CELF1: variants seen among roughly 807,000 people sequenced by gnomAD.
The protein encoded by CELF1 is 50 kDa nuclear polyadenylated RNA-binding protein.
In CELF1, 10 loss-of-function variants were observed where a neutral mutation model predicts 61.8. The observed-to-expected ratio is 0.16, with a 90% CI of 0.10 to 0.27. The LOEUF (loss-of-function observed/expected upper bound fraction) is 0.27. CELF1 is among the 10% of genes least tolerant of loss of function. The probability of loss-of-function intolerance (pLI) is 1.00; values close to 1 mark genes in which losing one functional copy is unlikely to be tolerated. For missense variants in CELF1, 380 were observed against 639.1 expected (o/e 0.59, Z 4.37); for synonymous variants, 236 against 225.1 (o/e 1.05, Z -0.43).
At position 47,466,324 on chromosome 11, in the gene CELF1, TAAAGGA is replaced by T. The variant is rs1480713548; in HGVS notation, c.*5900_*5905del. The T allele has an allele frequency of 6.6e-6, 1 of 152,154 alleles. No homozygotes were observed. The highest frequency in any genetic ancestry group is 2.4e-5 in the African/African-American group (1 of 41,442). 9.4% of individuals were successfully genotyped at this position (152,154 alleles called of 1,614,324 possible). On this transcript the variant is annotated 3_prime_UTR_variant, in exon 15 of 15. Transcript: ENST00000687097. ...AAAGAAAGGAAAAGCTCAAACAAGATAAAGGAAAAGCATTTCTACGGCTGAATCACG... is the reference window on the plus strand; with the variant it reads ...AAAGAAAGGAAAAGCTCAAACAAGATAAAGCATTTCTACGGCTGAATCACG...
At chr11:47,525,742 A>G (rs962302125) in intron 1 of CELF1, among the ~76,000 whole-genome samples, 7 of 152,220 alleles carry the variant, frequency 4.6e-5, no homozygotes, top group Non-Finnish European at 1.0e-4. Flanking sequence ...GTACATGACT[A>G]CTGCACTAAA....
rs146212751 is a variant in CELF1 at position 47,510,659 on chromosome 11, G to A, written c.-153-9727C>T. ...GCACCACCACGCCCGGCTAATTTTT[G>A]TATTTTTTGTAGAGAAGGGGTTTTG... On this transcript the variant is annotated intron_variant, in intron 1 of 14. Coordinates refer to ENST00000687097, the MANE Select transcript of CELF1 (RefSeq NM_001376376.1). Among the ~76,000 whole-genome samples the A allele has an allele frequency of 6.8e-3, 1,040 of 151,850 alleles. 13 individuals carry two copies. Among genetic ancestry groups the A allele is most frequent in the African/African-American group, 0.024 (989 of 41,408 alleles).
chr11:47,534,018 TTTC>T (rs1383211450), intron 1 of CELF1, among the ~76,000 whole-genome samples: 1 of 130,450 alleles, frequency 7.7e-6, no homozygotes, highest in African/African-American at 2.7e-5. Context: ...GCATTTTTTC[TTTC>T]CTTTTTTTTT....
chr11:47,550,058 G>A (rs568649149), intron 1 of CELF1, among the ~76,000 whole-genome samples: 7 of 151,558 alleles, frequency 4.6e-5, no homozygotes, highest in Admixed American at 3.3e-4. Context: ...CTCGTGATCC[G>A]CCCACCTCAG....
At chr11:47,474,272 G>GT (rs1407866580) in intron 13 of CELF1, among the ~76,000 whole-genome samples, 8 of 152,110 alleles carry the variant, frequency 5.3e-5, no homozygotes, top group African/African-American at 9.7e-5. Flanking sequence ...TGGCCTCCCT[G>GT]TTTTTTTCAA....
chr11:47,494,968 T>G (rs909825663), intron 3 of CELF1, among the ~76,000 whole-genome samples: 7 of 152,182 alleles, frequency 4.6e-5, no homozygotes, highest in Non-Finnish European at 1.0e-4. Flanking sequence ...CCCAGGCTGG[T>G]CTCGAACTCC....
intron 1 of CELF1, among the ~76,000 whole-genome samples, chr11:47,542,827 C>T (rs567539000): frequency 6.6e-6 from 1 of 152,028 alleles, no homozygotes; most frequent in South Asian, 2.1e-4. Context: ...CTGGACTGTG[C>T]TCATCTTTAG....
intron 2 of CELF1, among the ~76,000 whole-genome samples, chr11:47,558,854 A>C (rs1227555457): frequency 7.7e-6 from 1 of 129,238 alleles, no homozygotes; most frequent in Non-Finnish European, 1.6e-5. Flanking sequence ...TAATATATAT[A>C]TACAATATAA....
chr11:47,491,448 C>T (rs1426862409), intron 3 of CELF1, among the ~76,000 whole-genome samples: 1 of 152,178 alleles, frequency 6.6e-6, no homozygotes, highest in Non-Finnish European at 1.5e-5. Flanking sequence ...CCTGAGCCAC[C>T]GCACCCAGCC....
In CELF1 at chr11:47,469,448, C is replaced by T. The variant is rs2077211474; in HGVS notation, c.*2782G>A. ...GATGTAACCCAAGTAAGAAACAAAACTACAGCAGAAAACACATTGTAAGTG... is the reference window on the plus strand; with the variant it reads ...GATGTAACCCAAGTAAGAAACAAAATTACAGCAGAAAACACATTGTAAGTG... On this transcript the variant is annotated 3_prime_UTR_variant, in exon 15 of 15. Transcript: ENST00000687097. 6.6e-6 allele frequency: 1 copy of T among 152,282 alleles called. No homozygotes were observed. The highest frequency in any genetic ancestry group is 2.1e-4 in the South Asian group (1 of 4,836). 9.4% of individuals were successfully genotyped at this position (152,282 alleles called of 1,614,324 possible).
At chr11:47,527,220 C>T (rs2096276861) in intron 1 of CELF1, among the ~76,000 whole-genome samples, 1 of 151,690 alleles carries the variant, frequency 6.6e-6, no homozygotes, top group African/African-American at 2.4e-5. Context: ...GAGACCTCAT[C>T]TCTACAGAAA....
intron 1 of CELF1, among the ~76,000 whole-genome samples, chr11:47,522,882 A>T (rs1037303179): frequency 8.6e-5 from 13 of 151,124 alleles, no homozygotes; most frequent in African/African-American, 3.2e-4. Flanking sequence ...CATTTATTTA[A>T]AAAAAAAATT....
chr11:47,558,595 T>A (rs1465175373), intron 2 of CELF1, among the ~76,000 whole-genome samples: 2 of 104,520 alleles, frequency 1.9e-5, no homozygotes, highest in African/African-American at 8.7e-5. Context: ...ATATTTATAT[T>A]ATATATGTAT....
At chr11:47,477,090 C>A in intron 11 of CELF1, 131 bp from the exon 12 acceptor site, 1 of 898,196 alleles carries the variant, frequency 1.1e-6, no homozygotes. Flanking sequence ...ACTGTCCTTG[C>A]AGGACAGAGA....
chr11:47,489,935 G>GTTTTTTTTTTGTTTT lies in CELF1; in HGVS notation c.72-912_72-911insAAAACAAAAAAAAAA, dbSNP rs2090272731. 1.2e-4 allele frequency among the ~76,000 whole-genome samples: 6 copies of GTTTTTTTTTTGTTTT among 48,236 alleles called. 2 individuals carry two copies. Among genetic ancestry groups the GTTTTTTTTTTGTTTT allele is most frequent in the African/African-American group, 4.7e-4 (6 of 12,860 alleles). The allele number at this position is 48,236 out of a possible 152,430, so 31.6% of individuals were successfully genotyped here. The stretch of plus-strand genomic sequence containing the variant: ...GTTTCCACTCAGAACATACCATCTT[G>GTTTTTTTTTTGTTTT]TTTTTTTTTTTTTTTTTTTTGAGAC... On this transcript the variant is annotated intron_variant, in intron 3 of 14. Coordinates refer to ENST00000687097, the MANE Select transcript of CELF1 (RefSeq NM_001376376.1).
chr11:47,559,777 A>T (rs2153790839), intron 2 of CELF1, among the ~76,000 whole-genome samples: 1 of 152,248 alleles, frequency 6.6e-6, no homozygotes, highest in East Asian at 1.9e-4. Flanking sequence ...TGCGGCGGGC[A>T]GATCACCTGA....
chr11:47,498,930 G>C (rs1343224177), intron 3 of CELF1, among the ~76,000 whole-genome samples: 29 of 151,870 alleles, frequency 1.9e-4, no homozygotes, highest in Admixed American at 1.9e-3. Flanking sequence ...AATTAGACTC[G>C]GCGGGGGTGG....
At chr11:47,536,924 T>C (rs1348875445) in intron 1 of CELF1, among the ~76,000 whole-genome samples, 1 of 152,162 alleles carries the variant, frequency 6.6e-6, no homozygotes, top group Non-Finnish European at 1.5e-5. Context: ...GTCCACAGTA[T>C]AGTTTTGGCA....
rs779702214 is a variant in CELF1 at position 47,476,811 on chromosome 11, G to GAAT, written c.1087+32_1087+34dup. The stretch of plus-strand genomic sequence containing the variant: ...GGTTAAGATGTGCTACCTGCACAAA[G>GAAT]AATAGTCTGATGACAGCCAGGTGCT... On this transcript the variant is annotated intron_variant, in intron 12 of 14. Coordinates refer to ENST00000687097, the MANE Select transcript of CELF1 (RefSeq NM_001376376.1). The GAAT allele has an allele frequency of 8.6e-6, 13 of 1,504,868 alleles. No individual in the cohort carries two copies. In the African/African-American group the frequency reaches 1.8e-4, roughly 21 times the overall value. The allele number at this position is 1,504,868 out of a possible 1,614,324, so 93.2% of individuals were successfully genotyped here.
Sources: gnomAD v4.1 joint callset for allele counts (sites outside exome capture counted in the v4.1 genomes callset) on GRCh38, gnomAD v4.1.1 for gene constraint, MANE v1.5 for transcripts, NCBI Gene and HGNC (gene_info 2026-07-23, HGNC 2026-07-21) for gene names.